The following RPSA2 variants were observed in gnomAD, a reference collection of about 807,000 sequenced individuals.
RPSA2 encodes ribosomal protein SA 2, also known as small ribosomal subunit protein uS2B.
the RPSA2 span, among the ~76,000 whole-genome samples, chr19:23,844,350 G>T: frequency 6.6e-6 from 1 of 152,170 alleles, no homozygotes; most frequent in Non-Finnish European, 1.5e-5. Context: ...TGATAAACAT[G>T]CAAGTATAGG....
At chr19:23,805,871 T>G in the RPSA2 span, among the ~76,000 whole-genome samples, 1 of 152,090 alleles carries the variant, frequency 6.6e-6, no homozygotes, top group Non-Finnish European at 1.5e-5. Context: ...TTTCTATATA[T>G]CACAGACTTC....
the RPSA2 span, among the ~76,000 whole-genome samples, chr19:23,762,641 A>C: frequency 6.3e-5 from 9 of 143,766 alleles, no homozygotes; most frequent in Admixed American, 5.9e-4. Context: ...GCACCACTGC[A>C]CTTGAGCCAG....
the RPSA2 span, among the ~76,000 whole-genome samples, chr19:23,808,273 T>A: frequency 0.011 from 4 of 356 alleles, no homozygotes; most frequent in South Asian, 0.25. Context: ...ACAAAATTAA[T>A]TTTTTTTTTT....
the RPSA2 span, among the ~76,000 whole-genome samples, chr19:23,840,046 A>C: frequency 3.3e-5 from 5 of 152,172 alleles, no homozygotes; most frequent in Non-Finnish European, 7.3e-5. Context: ...CTGAAGATAA[A>C]GGTGGTGATT....
chr19:23,820,879 A>G, the RPSA2 span, among the ~76,000 whole-genome samples: 4 of 152,174 alleles, frequency 2.6e-5, no homozygotes, highest in East Asian at 3.8e-4. Flanking sequence ...TACCCGGCCC[A>G]TTGGACTCCT....
At chr19:23,837,619 T>C in the RPSA2 span, among the ~76,000 whole-genome samples, 1 of 152,204 alleles carries the variant, frequency 6.6e-6, no homozygotes, top group Non-Finnish European at 1.5e-5. Flanking sequence ...CATTTGTTTG[T>C]GTCGTCTATG....
the RPSA2 span, among the ~76,000 whole-genome samples, chr19:23,817,031 A>G: frequency 1.0e-5 from 1 of 99,426 alleles, no homozygotes; most frequent in African/African-American, 3.6e-5. Context: ...TACTTTAATG[A>G]CAACTTCAAT....
At chr19:23,779,344 C>T in the RPSA2 span, among the ~76,000 whole-genome samples, 2 of 152,052 alleles carry the variant, frequency 1.3e-5, no homozygotes, top group Non-Finnish European at 2.9e-5. Flanking sequence ...AGACTCTTCT[C>T]CATTGCTTGG....
At chr19:23,832,902 T>G in the RPSA2 span, 3 of 1,557,728 alleles carry the variant, frequency 1.9e-6, no homozygotes, top group Non-Finnish European at 2.6e-6. Context: ...GTGAGGAACG[T>G]GGCAAATCTT....
chr19:23,835,739 C>A, the RPSA2 span, among the ~76,000 whole-genome samples: 3 of 151,942 alleles, frequency 2.0e-5, no homozygotes, highest in Non-Finnish European at 4.4e-5. Context: ...CAGGTTCAAG[C>A]AGTTCTGCCT....
chr19:23,785,539 A>G, the RPSA2 span, among the ~76,000 whole-genome samples: 1 of 152,102 alleles, frequency 6.6e-6, no homozygotes, highest in Non-Finnish European at 1.5e-5. Context: ...ATTGTTACCT[A>G]TTGCTGGGCT....
the RPSA2 span, among the ~76,000 whole-genome samples, chr19:23,866,255 G>A: frequency 1.7e-4 from 26 of 152,234 alleles, no homozygotes; most frequent in South Asian, 4.1e-4. Flanking sequence ...ACAATTTATC[G>A]CATGGCTGCA....
At chr19:23,862,698 G>A in the RPSA2 span, among the ~76,000 whole-genome samples, 2 of 151,230 alleles carry the variant, frequency 1.3e-5, no homozygotes, top group Non-Finnish European at 2.9e-5. Flanking sequence ...TTATTGATTT[G>A]CATATATTGA....
the RPSA2 span, among the ~76,000 whole-genome samples, chr19:23,840,517 A>G: frequency 6.6e-6 from 1 of 152,210 alleles, no homozygotes; most frequent in Non-Finnish European, 1.5e-5. Flanking sequence ...CATCAGCTCT[A>G]TGAATAACAC....
the RPSA2 span, among the ~76,000 whole-genome samples, chr19:23,802,789 T>C: frequency 6.6e-6 from 1 of 152,196 alleles, no homozygotes; most frequent in South Asian, 2.1e-4. Flanking sequence ...GACTATCAAC[T>C]GGATAAATGA....
chr19:23,869,046 G>C, the RPSA2 span, among the ~76,000 whole-genome samples: 1 of 152,170 alleles, frequency 6.6e-6, no homozygotes. Context: ...ATAATGCCCT[G>C]TGTGGTAGGT....
the RPSA2 span, chr19:23,758,787 A>C: frequency 4.3e-6 from 7 of 1,614,140 alleles, no homozygotes; most frequent in Admixed American, 1.7e-5. Context: ...TTAGCTATGG[A>C]TCGCCAATAC....
chr19:23,846,442 C>T, the RPSA2 span, among the ~76,000 whole-genome samples: 1,131 of 151,424 alleles, frequency 7.5e-3, 17 homozygotes, highest in African/African-American at 0.026. Flanking sequence ...ATTTATTTCT[C>T]TCTTTGTTTT....
chr19:23,858,881 T>C, the RPSA2 span, among the ~76,000 whole-genome samples: 1 of 152,198 alleles, frequency 6.6e-6, no homozygotes, highest in Non-Finnish European at 1.5e-5. Context: ...CAACCAATCT[T>C]TGAGCCCTAT....
Sources: allele counts gnomAD v4.1 joint callset (sites outside exome capture counted in the v4.1 genomes callset), GRCh38; gene constraint gnomAD v4.1.1; transcripts MANE v1.5; gene names NCBI Gene and HGNC (gene_info 2026-07-23, HGNC 2026-07-21).